Variants in XRCC3 observed in about 807,000 individuals in gnomAD.
The protein encoded by XRCC3 is X-ray repair cross complementing 3, also known as DNA repair protein XRCC3.
XRCC3 carries 34 observed loss-of-function variants against 29.2 expected under a neutral mutation model. That is an observed-to-expected ratio of 1.16 (90% confidence interval 0.88 to 1.55). XRCC3 has a LOEUF of 1.55. Among genes scored for constraint, XRCC3 ranks in the 40% most tolerant of loss-of-function variants. XRCC3 has a pLI of 0.00. For synonymous variants in XRCC3, 223 were observed against 211.3 expected (o/e 1.06, Z -0.48); for missense variants, 463 against 467.6 (o/e 0.99, Z 0.09).
In XRCC3 at chr14:103,710,792, C is replaced by T. The variant is rs918055579; in HGVS notation, c.55+241G>A. The stretch of plus-strand genomic sequence containing the variant: ...ATGTGGCTCCATTTTACCTTTTAGA[C>T]AATATGCATGTATTACTTTGATAAA... On this transcript the variant is annotated intron_variant, in intron 4 of 9. Coordinates refer to ENST00000555055, the MANE Select transcript of XRCC3 (RefSeq NM_005432.4). 1.7e-5 allele frequency: 9 copies of T among 529,950 alleles called. No homozygotes were observed. The Admixed American group carries it at 2.0e-4, about 12-fold the overall frequency. 32.8% of individuals were successfully genotyped at this position (529,950 alleles called of 1,614,324 possible).
In XRCC3 at chr14:103,711,228, G is replaced by C; in HGVS notation, c.-141C>G. On this transcript the variant is annotated 5_prime_UTR_variant, in exon 4 of 10. Transcript: ENST00000555055. The stretch of plus-strand genomic sequence containing the variant: ...AAGTGACAGCAGCCGAGGTGTCCGT[G>C]TCATCGGGGCTCTGTCACTGAGGGT... The C allele has an allele frequency of 1.2e-6, 1 of 855,170 alleles. No individual in the cohort carries two copies. The highest frequency in any genetic ancestry group is 1.9e-6 in the Non-Finnish European group (1 of 516,608). The allele number at this position is 855,170 out of a possible 1,614,324, so 53.0% of individuals were successfully genotyped here.
At chr14:103,699,615 G>GCTGTCATTGTCTATGC in intron 7 of XRCC3, 39 bp from the exon 8 acceptor site, 1 of 1,607,180 alleles carries the variant, frequency 6.2e-7, no homozygotes, top group Non-Finnish European at 8.5e-7. Flanking sequence ...TGGTCAGCAA[G>GCTGTCATTGTCTATGC]TCCCCGCCCC....
At chr14:103,714,317 CAG>C (rs2083729219) in intron 1 of XRCC3, 1 of 152,374 alleles carries the variant, frequency 6.6e-6, no homozygotes, top group Non-Finnish European at 1.5e-5. Flanking sequence ...CAGGAGAGGG[CAG>C]AGTCAGCCAC....
intron 5 of XRCC3, chr14:103,707,636 G>A: frequency 9.7e-6 from 3 of 307,980 alleles, no homozygotes; most frequent in South Asian, 9.5e-5. Context: ...GCGCACACAT[G>A]CACACCACAT....
At chr14:103,707,473 T>C (rs1029442838) in intron 5 of XRCC3, 21 of 562,452 alleles carry the variant, frequency 3.7e-5, no homozygotes, top group African/African-American at 2.4e-4. Flanking sequence ...TATGGGGCAA[T>C]TGCAGCACCA....
In XRCC3 at chr14:103,706,869, G is replaced by A. The variant is rs753766942; in HGVS notation, c.406+134C>T. The stretch of plus-strand genomic sequence containing the variant: ...GTTCTGGAAGGAGCGAGGGCAATCA[G>A]GGTGAGAAGGAGGGAGACGCAATGG... On this transcript the variant is annotated intron_variant, in intron 6 of 9. Transcript: ENST00000555055. 4.9e-6 allele frequency: 5 copies of A among 1,029,242 alleles called. No individual in the cohort carries two copies. In the Admixed American group the frequency reaches 8.0e-5, roughly 16 times the overall value. The allele number at this position is 1,029,242 out of a possible 1,614,324, so 63.8% of individuals were successfully genotyped here. A position where few individuals can be genotyped will look rare whatever the true frequency, so the allele number is the denominator to read the frequency against.
chr14:103,714,779 T>C (rs1169805616), intron 1 of XRCC3, among the ~76,000 whole-genome samples: 1 of 152,184 alleles, frequency 6.6e-6, no homozygotes, highest in Non-Finnish European at 1.5e-5. Context: ...TCCCGGGTCC[T>C]GGTTCAAACA....
intron 1 of XRCC3, among the ~76,000 whole-genome samples, chr14:103,714,714 C>CTACA (rs944629470): frequency 2.6e-5 from 4 of 152,166 alleles, no homozygotes; most frequent in Admixed American, 2.6e-4. Flanking sequence ...GAGTCTTTTT[C>CTACA]TGTAGCCCAG....
intron 1 of XRCC3, among the ~76,000 whole-genome samples, chr14:103,714,410 C>T (rs2083731810): frequency 6.6e-6 from 1 of 151,126 alleles, no homozygotes; most frequent in Admixed American, 6.6e-5. Context: ...CCAAGGTCGC[C>T]TGAGCCCAGG....
At chr14:103,712,024 T>G in intron 2 of XRCC3, 2 of 342,476 alleles carry the variant, frequency 5.8e-6, no homozygotes, top group South Asian at 4.5e-5. Context: ...AGGTTTTCCC[T>G]TGGACCACAC....
chr14:103,699,652 C>CA (rs1204813680), intron 7 of XRCC3, 76 bp from the exon 8 acceptor site: 6 of 1,486,190 alleles, frequency 4.0e-6, no homozygotes, highest in Non-Finnish European at 4.7e-6. Context: ...TTTGGACTGT[C>CA]ACTCGACCGT....
Position 103,711,139 on chromosome 14 carries a change from C to T in XRCC3, c.-52G>A, listed in dbSNP as rs2083611949. ...GAATAACTTCCCAGGAAAGACAGAA[C>T]AATGGATGCAAATTCTGAGGCACTC... On this transcript the variant is annotated 5_prime_UTR_variant, in exon 4 of 10. Coordinates refer to ENST00000555055, the MANE Select transcript of XRCC3 (RefSeq NM_005432.4). 1 of 1,600,598 alleles carries T rather than the reference C, an allele frequency of 6.2e-7. No individual in the cohort carries two copies. Among genetic ancestry groups the T allele is most frequent in the Admixed American group, 1.7e-5 (1 of 60,000 alleles).
intron 5 of XRCC3, 199 bp downstream of exon 5, chr14:103,708,323 C>T (rs1310309403): frequency 9.2e-6 from 7 of 759,962 alleles, no homozygotes; most frequent in East Asian, 2.7e-5. Flanking sequence ...GTCCACCTCA[C>T]GCATCTTCTG....
chr14:103,706,665 G>C (rs1053917317), intron 6 of XRCC3: 1 of 415,756 alleles, frequency 2.4e-6, no homozygotes, highest in Admixed American at 3.6e-5. Flanking sequence ...CCCTCCCTGC[G>C]TTGCTGGCTC....
At chr14:103,708,324 G>A (rs537972194) in intron 5 of XRCC3, 198 bp downstream of exon 5, 9 of 761,894 alleles carry the variant, frequency 1.2e-5, no homozygotes, top group African/African-American at 6.9e-5. Flanking sequence ...TCCACCTCAC[G>A]CATCTTCTGA....
rs762860382 is a variant in XRCC3 at position 103,703,208 on chromosome 14, C to G, written c.526G>C (p.Gly176Arg). Residue 176 changes from glycine to arginine, a missense_variant, in exon 7 of 10, where the codon GGC becomes CGC. Physicochemically the swap from Gly to Arg is moderately radical, Grantham distance 125. Transcript: ENST00000555055. ...ACGTGCTCGATGAAGATCTGGCTGC[C>G]AAATCGGAGCTTCTGAAGCAGCTCT... ...PGELLQKLRF[G>R]SQIFIEHVAD... 1 of 1,570,384 alleles carries G rather than the reference C, an allele frequency of 6.4e-7. No individual in the cohort carries two copies. The highest frequency in any genetic ancestry group is 1.2e-5 in the South Asian group (1 of 86,138).
At chr14:103,703,089 C>A in intron 7 of XRCC3, 84 bp downstream of exon 7, 1 of 1,531,144 alleles carries the variant, frequency 6.5e-7, no homozygotes, top group Non-Finnish European at 8.8e-7. Context: ...TGCTGTGAGA[C>A]CCCATTGCCG....
chr14:103,707,117 G>A lies in XRCC3; in HGVS notation c.292C>T (p.Pro98Ser). 1 of 1,550,332 alleles carries A rather than the reference G, an allele frequency of 6.5e-7. No individual in the cohort carries two copies. Reference sequence around the variant, plus strand: ...GCCAGCTCAGTGATGCCGTCCAGGGGCAGGCCACCGCGGAGCAGCGCGTCC... The same window carrying A: ...GCCAGCTCAGTGATGCCGTCCAGGGACAGGCCACCGCGGAGCAGCGCGTCC... The part of the protein sequence containing the change: ...VLDALLRGGL[P>S]LDGITELAGR... Residue 98 changes from proline (P) to serine (S), a missense_variant, in exon 6 of 10, where the codon CCC becomes TCC. By Grantham distance (74) the Pro-to-Ser change is moderately conservative. Coordinates refer to ENST00000555055, the MANE Select transcript of XRCC3 (RefSeq NM_005432.4).
chr14:103,699,393 A>G lies in XRCC3; in HGVS notation c.745T>C (p.Phe249Leu). The G allele has an allele frequency of 6.2e-7, 1 of 1,611,466 alleles. No individual in the cohort carries two copies. Among genetic ancestry groups the G allele is most frequent in the Non-Finnish European group, 8.5e-7 (1 of 1,179,462 alleles). Residue 249 changes from phenylalanine to leucine, a missense_variant, in exon 8 of 10, where the codon TTC (phenylalanine) becomes CTC (leucine). Coordinates refer to ENST00000555055, the MANE Select transcript of XRCC3 (RefSeq NM_005432.4). ...TTGATGCACAGCACAGGGCTCTGGA[A>G]GGCACTGCTCAGCTCACGCAGCGTG... Reference protein sequence around the residue: ...GATLRELSSAFQSPVLCINQV... With the variant: ...GATLRELSSALQSPVLCINQV...
Sources: allele counts gnomAD v4.1 joint callset (sites outside exome capture counted in the v4.1 genomes callset), GRCh38; gene constraint gnomAD v4.1.1; transcripts MANE v1.5; gene names NCBI Gene and HGNC (gene_info 2026-07-23, HGNC 2026-07-21).